ZMYND11: variants seen among roughly 807,000 people sequenced by gnomAD.
ZMYND11 encodes zinc finger MYND domain-containing protein 11.
Under a neutral mutation model 84.9 loss-of-function variants are expected in ZMYND11, and 9 were observed. The ratio of observed to expected loss-of-function variants is 0.11; its 90% CI spans 0.06 to 0.18. The LOEUF (loss-of-function observed/expected upper bound fraction) is 0.18. Ranked by LOEUF, ZMYND11 falls within the 10% of genes least tolerant of loss-of-function variation. The pLI, the probability that ZMYND11 is intolerant of heterozygous loss-of-function variation, is 1.00. For missense variants in ZMYND11, 409 were observed against 761.0 expected, an observed-to-expected ratio of 0.54 and a Z score of 5.44; for synonymous variants, 250 against 244.1, an observed-to-expected ratio of 1.02 and a Z score of -0.23.
In ZMYND11 at chr10:135,996, G is replaced by A. The variant is rs1157314773; in HGVS notation, c.-20+437G>A. Among the ~76,000 whole-genome samples the A allele has an allele frequency of 6.6e-6, 1 of 151,008 alleles. No homozygotes were observed. The highest frequency in any genetic ancestry group is 2.4e-5 in the African/African-American group (1 of 41,402). The stretch of plus-strand genomic sequence containing the variant: ...GCGGGGAACGCGGCTCCGGGCGTGT[G>A]GCGGGCGGAGAGGAAGCGTTTGTCG... On this transcript the variant is annotated intron_variant, in intron 1 of 14. Coordinates refer to ENST00000381604, the MANE Select transcript of ZMYND11 (RefSeq NM_001370100.5). The surrounding 1 kb of genome is among the most constrained non-coding windows in gnomAD (Gnocchi z 5.6).
rs1358597771 is a variant in ZMYND11, at chr10:253,306, T to C, written c.*836T>C. 1 of 152,674 alleles carries C rather than the reference T, an allele frequency of 6.5e-6. No homozygotes were observed. The highest frequency in any genetic ancestry group is 1.5e-5 in the Non-Finnish European group (1 of 68,040). 9.5% of individuals were successfully genotyped at this position (152,674 alleles called of 1,614,324 possible). A position where few individuals can be genotyped will look rare whatever the true frequency, so the allele number is the denominator to read the frequency against. On this transcript the variant is annotated 3_prime_UTR_variant, in exon 15 of 15. Coordinates refer to ENST00000381604, the MANE Select transcript of ZMYND11 (RefSeq NM_001370100.5). Reference sequence around the variant, plus strand: ...AAATTATAGATGAGGCATACGAATTTGTTTAATGCTTCCCTTCCCTTCCCA... The same window carrying C: ...AAATTATAGATGAGGCATACGAATTCGTTTAATGCTTCCCTTCCCTTCCCA...
chr10:196,199 C>T (rs1238150491), intron 2 of ZMYND11, among the ~76,000 whole-genome samples: 1 of 152,178 alleles, frequency 6.6e-6, no homozygotes, highest in Admixed American at 6.5e-5. Context: ...TATCAAAATG[C>T]AAAGAATATC....
At chr10:167,112 A>G (rs1844188116) in intron 1 of ZMYND11, among the ~76,000 whole-genome samples, 1 of 152,230 alleles carries the variant, frequency 6.6e-6, no homozygotes, top group East Asian at 1.9e-4. Context: ...GTATTATTTA[A>G]TGGTCTGTAG....
chr10:207,948 C>G (rs7923224), intron 2 of ZMYND11, among the ~76,000 whole-genome samples: 142,524 of 152,148 alleles, frequency 0.94, 67,024 homozygotes, highest in Non-Finnish European at 0.98. Context: ...CCAAAACAGA[C>G]ATATAGATCA....
chr10:198,086 A>G (rs1336025376), intron 2 of ZMYND11: 5 of 436,642 alleles, frequency 1.1e-5, no homozygotes, highest in Non-Finnish European at 2.0e-5. Context: ...CAAGCTGTAA[A>G]ATATATAATT....
chr10:162,801 G>A (rs1843206231), intron 1 of ZMYND11, among the ~76,000 whole-genome samples: 3 of 152,144 alleles, frequency 2.0e-5, no homozygotes, highest in African/African-American at 4.8e-5. Flanking sequence ...CATGTTTATT[G>A]GTATATGTAT....
intron 2 of ZMYND11, among the ~76,000 whole-genome samples, chr10:182,256 G>GTGTGTGTACATGTATACACA (rs1564332759): frequency 6.6e-6 from 1 of 152,174 alleles, no homozygotes; most frequent in Non-Finnish European, 1.5e-5. Context: ...ATTACAACAC[G>GTGTGTGTACATGTATACACA]TGTGTGTACA....
intron 2 of ZMYND11, among the ~76,000 whole-genome samples, chr10:188,591 C>CAA (rs57541654): frequency 8.3e-6 from 1 of 120,092 alleles, no homozygotes. Flanking sequence ...GACCCTGTCT[C>CAA]AAAAAAAAAA....
rs537705530 is a variant in ZMYND11, at chr10:244,954, A to G, written c.951-1812A>G. ...ATTCCAGGTAGTCAGCACTGCTTGT[A>G]ACAGAATTCTCTCTCAAAAGCAAAC... On this transcript the variant is annotated intron_variant, in intron 10 of 14. Coordinates refer to ENST00000381604, the MANE Select transcript of ZMYND11 (RefSeq NM_001370100.5). Among the ~76,000 whole-genome samples, 3 of 152,240 alleles carry G rather than the reference A, an allele frequency of 2.0e-5. No homozygotes were observed. The South Asian group carries it at 6.2e-4, about 32-fold the overall frequency.
At chr10:193,496 A>G (rs780597959) in intron 2 of ZMYND11, among the ~76,000 whole-genome samples, 21 of 152,224 alleles carry the variant, frequency 1.4e-4, no homozygotes, top group Admixed American at 6.5e-5. Flanking sequence ...ACAGTCTTCA[A>G]TGATATTTGT....
At chr10:233,834 A>G (rs1351321654) in intron 4 of ZMYND11, among the ~76,000 whole-genome samples, 1 of 152,246 alleles carries the variant, frequency 6.6e-6, no homozygotes, top group Non-Finnish European at 1.5e-5. Flanking sequence ...AACTATATGC[A>G]TTCTGACTTC....
rs1282561610 is a variant in ZMYND11, at chr10:206,109, C to T, written c.117-3780C>T. 4.6e-5 allele frequency among the ~76,000 whole-genome samples: 7 copies of T among 152,080 alleles called. No homozygotes were observed. In the South Asian group the frequency reaches 6.3e-4, roughly 14 times the overall value. ...GCGCGGTGGCTCACGCCTGTAATCC[C>T]GGCACTTTGGGAGGCCGAGGCGGGT... On this transcript the variant is annotated intron_variant, in intron 2 of 14. Coordinates refer to ENST00000381604, the MANE Select transcript of ZMYND11 (RefSeq NM_001370100.5).
At chr10:206,808 T>C (rs1944254327) in intron 2 of ZMYND11, among the ~76,000 whole-genome samples, 1 of 152,136 alleles carries the variant, frequency 6.6e-6, no homozygotes, top group Non-Finnish European at 1.5e-5. Context: ...TTTCTTCAGA[T>C]AGCTTAGAAA....
chr10:141,175 A>G (rs1554753884), intron 1 of ZMYND11, among the ~76,000 whole-genome samples: 2 of 152,232 alleles, frequency 1.3e-5, no homozygotes, highest in Admixed American at 6.5e-5. Context: ...AAGTTACTTC[A>G]TAATTTGTTT....
At chr10:220,862 G>T (rs1947040676) in intron 3 of ZMYND11, among the ~76,000 whole-genome samples, 1 of 152,144 alleles carries the variant, frequency 6.6e-6, no homozygotes, top group African/African-American at 2.4e-5. Context: ...TTGGTTTGGG[G>T]TTCTCAGTTT....
intron 2 of ZMYND11, among the ~76,000 whole-genome samples, chr10:184,305 T>C (rs534326701): frequency 1.8e-3 from 277 of 152,338 alleles, no homozygotes; most frequent in African/African-American, 6.4e-3. Context: ...TATTTTCTTA[T>C]CTACACACAT....
intron 1 of ZMYND11, among the ~76,000 whole-genome samples, chr10:154,206 A>AT (rs1234724180): frequency 6.6e-6 from 1 of 152,150 alleles, no homozygotes; most frequent in East Asian, 1.9e-4. Context: ...TTCTGGATAT[A>AT]TCATATTGTT....
At chr10:154,559 C>G (rs1412165858) in intron 1 of ZMYND11, among the ~76,000 whole-genome samples, 1 of 152,134 alleles carries the variant, frequency 6.6e-6, no homozygotes, top group Non-Finnish European at 1.5e-5. Flanking sequence ...CTGCTCCATG[C>G]ATGTCTGAGG....
At chr10:152,714 A>G (rs953193036) in intron 1 of ZMYND11, among the ~76,000 whole-genome samples, 1 of 152,220 alleles carries the variant, frequency 6.6e-6, no homozygotes, top group Admixed American at 6.5e-5. Flanking sequence ...AAGCGGACCT[A>G]CTAGACATCT....
Sources: allele counts gnomAD v4.1 joint callset (sites outside exome capture counted in the v4.1 genomes callset), GRCh38; gene constraint gnomAD v4.1.1; non-coding constraint Gnocchi (gnomAD v3.1); transcripts MANE v1.5; gene names NCBI Gene and HGNC (gene_info 2026-07-23, HGNC 2026-07-21).